Variants in ADGRA3 observed in about 807,000 individuals in gnomAD.
The protein encoded by ADGRA3 is G-protein coupled receptor 125.
In ADGRA3, 56 loss-of-function variants were observed where a neutral mutation model predicts 119.8. That is an observed-to-expected ratio of 0.47 (90% CI 0.38 to 0.58). The LOEUF (loss-of-function observed/expected upper bound fraction) is 0.58. Among genes scored for constraint, ADGRA3 ranks in the 20% least tolerant of loss-of-function variants. The pLI, the probability that ADGRA3 is intolerant of heterozygous loss-of-function variation, is 0.00. For missense variants in ADGRA3, 1,516 were observed against 1,649.0 expected, an observed-to-expected ratio of 0.92 and a Z score of 1.40; for synonymous variants, 607 against 623.8, an observed-to-expected ratio of 0.97 and a Z score of 0.40.
chr4:22,402,981 A>G (rs780552240), intron 14 of ADGRA3, among the ~76,000 whole-genome samples, 182 bp from the exon 15 acceptor site: 3 of 152,128 alleles, frequency 2.0e-5, no homozygotes, highest in African/African-American at 4.8e-5. Flanking sequence ...CCTAACTTCT[A>G]TGGTGTTAAC....
chr4:22,509,311 G>A (rs976472694), intron 1 of ADGRA3, among the ~76,000 whole-genome samples: 2 of 151,902 alleles, frequency 1.3e-5, no homozygotes, highest in African/African-American at 4.8e-5. Context: ...GACCAGCCTA[G>A]CCAACATGGT....
At chr4:22,403,553 A>G (rs973347241) in intron 14 of ADGRA3, among the ~76,000 whole-genome samples, 3 of 151,946 alleles carry the variant, frequency 2.0e-5, no homozygotes, top group Non-Finnish European at 4.4e-5. Context: ...TGGGCAACAC[A>G]GGGAGTTTGC....
chr4:22,507,408 T>C lies in ADGRA3; in HGVS notation c.257+8120A>G, dbSNP rs571121839. On this transcript the variant is annotated intron_variant, in intron 1 of 18. Transcript: ENST00000334304. Reference sequence around the variant, plus strand: ...TACTGCTTCCTGAGAGGCAGCTGAATGGAAAAATAAGTCACTGAATAGTCT... The same window carrying C: ...TACTGCTTCCTGAGAGGCAGCTGAACGGAAAAATAAGTCACTGAATAGTCT... 5.3e-5 allele frequency among the ~76,000 whole-genome samples: 8 copies of C among 152,308 alleles called. No individual in the cohort carries two copies. In the South Asian group the frequency reaches 1.7e-3, roughly 32 times the overall value.
intron 10 of ADGRA3, among the ~76,000 whole-genome samples, chr4:22,429,265 T>C (rs1393622280): frequency 6.6e-6 from 1 of 152,202 alleles, no homozygotes; most frequent in Non-Finnish European, 1.5e-5. Context: ...TGCACTTCCT[T>C]TTCTAGAAGT....
intron 11 of ADGRA3, among the ~76,000 whole-genome samples, chr4:22,421,836 G>C (rs1715699648): frequency 8.0e-6 from 1 of 124,752 alleles, no homozygotes; most frequent in African/African-American, 3.0e-5. Context: ...AGCCAAGATT[G>C]TGCCACAGCA....
chr4:22,407,305 T>A (rs1471881539), intron 14 of ADGRA3, among the ~76,000 whole-genome samples: 1 of 152,052 alleles, frequency 6.6e-6, no homozygotes, highest in Admixed American at 6.5e-5. Flanking sequence ...TTTACGGCAA[T>A]TGAGAATTTT....
At chr4:22,488,505 C>T (rs1356237543) in intron 1 of ADGRA3, among the ~76,000 whole-genome samples, 1 of 152,176 alleles carries the variant, frequency 6.6e-6, no homozygotes, top group Non-Finnish European at 1.5e-5. Flanking sequence ...ACCCCTGAGC[C>T]TCGTACAATT....
intron 4 of ADGRA3, among the ~76,000 whole-genome samples, chr4:22,448,106 T>C (rs1353344327): frequency 6.6e-6 from 1 of 152,116 alleles, no homozygotes; most frequent in Non-Finnish European, 1.5e-5. Flanking sequence ...TCGCAGCGTT[T>C]TGAATGAATG....
rs190135432 is a variant in ADGRA3, at chr4:22,427,999, T to C, written c.1444-3647A>G. 1.4e-4 allele frequency among the ~76,000 whole-genome samples: 21 copies of C among 152,306 alleles called. No homozygotes were observed. In the East Asian group the frequency reaches 3.9e-3, roughly 28 times the overall value. On this transcript the variant is annotated intron_variant, in intron 10 of 18. Coordinates refer to ENST00000334304, the MANE Select transcript of ADGRA3 (RefSeq NM_145290.4). ...GGCAATGAAAGTGCTCAATGTCAAA[T>C]GTTGTAAGAGACAGGATATTTCAAG...
At chr4:22,500,440 G>C (rs756962075) in intron 1 of ADGRA3, among the ~76,000 whole-genome samples, 5 of 141,980 alleles carry the variant, frequency 3.5e-5, no homozygotes, top group Non-Finnish European at 3.1e-5. Flanking sequence ...CCTAGAACAC[G>C]ATCAACATTC....
chr4:22,421,061 T>C lies in ADGRA3; in HGVS notation c.1634A>G (p.Tyr545Cys). 2 of 1,613,890 alleles carry C rather than the reference T, an allele frequency of 1.2e-6. No individual in the cohort carries two copies. The highest frequency in any genetic ancestry group is 4.5e-5 in the East Asian group (2 of 44,866). The change falls in exon 12 of 19, where the codon TAT becomes TGT. Residue 545 changes from tyrosine to cysteine, a missense_variant. Transcript: ENST00000334304. ...CGTGAAGCCAGTAGACTTGATGACA[T>C]AAGCTTCCAGAGCAATATTGGGTGA... is the stretch of plus-strand genomic sequence containing the variant. ...TYSPNIALEA[Y>C]VIKSTGFTGM...
In ADGRA3 at chr4:22,424,253, C is replaced by A; in HGVS notation, c.1543G>T (p.Val515Leu). ...GTAGCAATGCGCTGAAGACACTGCA[C>A]AATCCTACTGCAGGCTTTAGCTTCC... Reference protein sequence around the residue: ...QREAKACSRIVQCLQRIATYR... With the variant: ...QREAKACSRILQCLQRIATYR... Residue 515 changes from valine (V) to leucine (L), a missense_variant, in exon 11 of 19, where the codon GTG (valine) becomes TTG (leucine). By Grantham distance (32) the Val-to-Leu change is conservative (BLOSUM62 1). This residue lies in a region of ADGRA3 where 1,088 missense variants were observed against 1,107.1 expected (regional missense o/e 0.98). Transcript: ENST00000334304. The A allele has an allele frequency of 6.2e-7, 1 of 1,613,622 alleles. No homozygotes were observed. Among genetic ancestry groups the A allele is most frequent in the Non-Finnish European group, 8.5e-7 (1 of 1,179,886 alleles).
chr4:22,416,136 T>C (rs1715420801), intron 12 of ADGRA3, among the ~76,000 whole-genome samples: 2 of 152,216 alleles, frequency 1.3e-5, no homozygotes, highest in Non-Finnish European at 2.9e-5. Flanking sequence ...TGTAAATCTA[T>C]TAGTCACCGC....
Position 22,504,526 on chromosome 4 carries a change from C to T in ADGRA3, c.257+11002G>A, listed in dbSNP as rs557810354. On this transcript the variant is annotated intron_variant, in intron 1 of 18. Transcript: ENST00000334304. ...CAACTCCACAGTACATCTCTAAAACCTTATTGTCCTTACCCTTGGCTTCAG... is the reference window on the plus strand; with the variant it reads ...CAACTCCACAGTACATCTCTAAAACTTTATTGTCCTTACCCTTGGCTTCAG... 1.3e-3 allele frequency among the ~76,000 whole-genome samples: 200 copies of T among 152,214 alleles called. 1 individual carries two copies. Among genetic ancestry groups the T allele is most frequent in the African/African-American group, 4.4e-3 (183 of 41,568 alleles).
intron 7 of ADGRA3, among the ~76,000 whole-genome samples, chr4:22,438,638 A>G (rs17532048): frequency 0.082 from 12,504 of 152,248 alleles, 558 homozygotes; most frequent in Middle Eastern, 0.11. Flanking sequence ...CAATCAGGGC[A>G]ATAAGAGACA....
intron 1 of ADGRA3, among the ~76,000 whole-genome samples, chr4:22,493,774 C>T (rs989373870): frequency 6.6e-6 from 1 of 152,140 alleles, no homozygotes; most frequent in Non-Finnish European, 1.5e-5. Context: ...GGGCTGCATT[C>T]CCAAACAGTT....
chr4:22,493,971 G>A (rs569074818), intron 1 of ADGRA3, among the ~76,000 whole-genome samples: 29 of 152,180 alleles, frequency 1.9e-4, no homozygotes, highest in South Asian at 1.0e-3. Context: ...TTGGGAGGCC[G>A]AGGCGGGTGG....
chr4:22,445,759 C>A (rs2109078451), intron 5 of ADGRA3, among the ~76,000 whole-genome samples: 1 of 152,186 alleles, frequency 6.6e-6, no homozygotes, highest in South Asian at 2.1e-4. Flanking sequence ...AAATCAAAAG[C>A]ATACAAATAA....
chr4:22,443,878 T>C (rs1420381560), intron 6 of ADGRA3, among the ~76,000 whole-genome samples: 1 of 152,172 alleles, frequency 6.6e-6, no homozygotes, highest in Non-Finnish European at 1.5e-5. Context: ...TCAGTGAGCA[T>C]ATTTTACTTG....
Sources: allele counts gnomAD v4.1 joint callset (sites outside exome capture counted in the v4.1 genomes callset), GRCh38; gene constraint gnomAD v4.1.1; regional missense constraint gnomAD v4.1.1; transcripts MANE v1.5; gene names NCBI Gene and HGNC (gene_info 2026-07-23, HGNC 2026-07-21).